Variants in DGKB observed in about 807,000 individuals in gnomAD.
The protein encoded by DGKB is diacylglycerol kinase beta.
Under a neutral mutation model 114.3 loss-of-function variants are expected in DGKB, and 67 were observed. That is an observed-to-expected ratio of 0.59 (90% CI 0.48 to 0.72). The LOEUF is 0.72. Among genes scored for constraint, DGKB ranks in the 30% least tolerant of loss-of-function variants. The pLI is 0.00. For synonymous variants in DGKB, 398 were observed against 323.1 expected (o/e 1.23, Z -2.49); for missense variants, 907 against 975.2 (o/e 0.93, Z 0.93).
intron 23 of DGKB, among the ~76,000 whole-genome samples, chr7:14,216,638 A>C (rs1789004759): frequency 6.6e-6 from 1 of 150,814 alleles, no homozygotes; most frequent in South Asian, 2.1e-4. Context: ...AAGCAGGAGA[A>C]TCACTTGAAC....
chr7:14,437,178 G>C (rs1829403142), intron 21 of DGKB, among the ~76,000 whole-genome samples: 2 of 152,114 alleles, frequency 1.3e-5, no homozygotes, highest in South Asian at 4.1e-4. Context: ...TAAATATATA[G>C]AGGATCTGCA....
intron 5 of DGKB, among the ~76,000 whole-genome samples, chr7:14,728,313 G>A (rs982442734): frequency 6.6e-6 from 1 of 152,038 alleles, no homozygotes; most frequent in African/African-American, 2.4e-5. Flanking sequence ...ATTATTTTCT[G>A]GCTTAAAATC....
chr7:14,202,249 G>A (rs964403752), intron 23 of DGKB, among the ~76,000 whole-genome samples: 5 of 151,690 alleles, frequency 3.3e-5, no homozygotes, highest in Admixed American at 2.6e-4. Flanking sequence ...ATTTCTTACT[G>A]ATACAATTTT....
intron 20 of DGKB, among the ~76,000 whole-genome samples, chr7:14,539,270 T>G (rs1793027488): frequency 6.6e-6 from 1 of 152,132 alleles, no homozygotes; most frequent in Non-Finnish European, 1.5e-5. Flanking sequence ...CTCACCAAAT[T>G]TCATTAATTA....
intron 21 of DGKB, among the ~76,000 whole-genome samples, chr7:14,373,962 C>T (rs970872587): frequency 6.6e-6 from 1 of 152,074 alleles, no homozygotes; most frequent in African/African-American, 2.4e-5. Context: ...AGGCATCTGC[C>T]AATTTAATTC....
intron 22 of DGKB, among the ~76,000 whole-genome samples, chr7:14,342,413 C>T (rs572164073): frequency 6.6e-6 from 1 of 151,920 alleles, no homozygotes; most frequent in South Asian, 2.1e-4. Flanking sequence ...GCACACATTT[C>T]ACCCCTCCAA....
intron 21 of DGKB, among the ~76,000 whole-genome samples, chr7:14,417,318 A>G (rs189862527): frequency 3.7e-4 from 56 of 152,184 alleles, no homozygotes; most frequent in Non-Finnish European, 6.9e-4. Context: ...AACAAAATAA[A>G]AACTGTGAAA....
intron 16 of DGKB, among the ~76,000 whole-genome samples, chr7:14,610,576 T>C (rs999772416): frequency 2.0e-5 from 3 of 152,042 alleles, no homozygotes; most frequent in Non-Finnish European, 4.4e-5. Flanking sequence ...CATGTGAAAA[T>C]ATGATTATTT....
intron 6 of DGKB, among the ~76,000 whole-genome samples, chr7:14,703,791 T>C (rs1825646462): frequency 6.6e-6 from 1 of 152,206 alleles, no homozygotes; most frequent in African/African-American, 2.4e-5. Context: ...CCAGTGATTC[T>C]GCATGCTCCT....
chr7:14,489,282 T>C (rs184406650), intron 20 of DGKB, among the ~76,000 whole-genome samples: 1 of 152,342 alleles, frequency 6.6e-6, no homozygotes, highest in Admixed American at 6.5e-5. Flanking sequence ...AATCATTTGA[T>C]TGAGATTTTG....
chr7:14,526,598 T>C (rs1190667258), intron 20 of DGKB, among the ~76,000 whole-genome samples: 1 of 152,096 alleles, frequency 6.6e-6, no homozygotes, highest in Non-Finnish European at 1.5e-5. Context: ...GTAAATATTT[T>C]AAAAAATAAT....
chr7:14,798,377 C>T (rs980954405), intron 2 of DGKB, among the ~76,000 whole-genome samples: 1 of 152,170 alleles, frequency 6.6e-6, no homozygotes, highest in African/African-American at 2.4e-5. Flanking sequence ...GCCCGTATAA[C>T]CTGTGTTGCC....
chr7:14,755,975 G>C (rs1834812046), intron 3 of DGKB, among the ~76,000 whole-genome samples: 1 of 151,982 alleles, frequency 6.6e-6, no homozygotes. Context: ...TGAAAAGGGT[G>C]ATATGTGTGT....
At chr7:14,350,704 C>T (rs1270097649) in intron 21 of DGKB, among the ~76,000 whole-genome samples, 3 of 151,080 alleles carry the variant, frequency 2.0e-5, no homozygotes, top group Non-Finnish European at 4.4e-5. Context: ...AGAAAGACTT[C>T]TACTAGATAC....
intron 2 of DGKB, among the ~76,000 whole-genome samples, chr7:14,813,155 A>G (rs1586678150): frequency 6.6e-6 from 1 of 152,224 alleles, no homozygotes; most frequent in East Asian, 1.9e-4. Flanking sequence ...ATTAATAACC[A>G]GAACTATTCA....
chr7:14,256,183 T>C (rs1301418154), intron 23 of DGKB, among the ~76,000 whole-genome samples: 3 of 152,186 alleles, frequency 2.0e-5, no homozygotes, highest in Admixed American at 1.3e-4. Flanking sequence ...TTATCTCTCA[T>C]ATTATCTTCC....
intron 14 of DGKB, among the ~76,000 whole-genome samples, chr7:14,623,637 A>T (rs1256112661): frequency 6.6e-6 from 1 of 152,164 alleles, no homozygotes; most frequent in East Asian, 1.9e-4. Flanking sequence ...AAAAACACTG[A>T]ATATATTTTG....
chr7:14,751,178 C>T (rs1639238), intron 4 of DGKB, among the ~76,000 whole-genome samples: 54,105 of 151,892 alleles, frequency 0.36, 13,330 homozygotes, highest in African/African-American at 0.69. Context: ...AAAAATAAAA[C>T]TTAGATGTGA....
At position 14,843,687 on chromosome 7, in the gene DGKB, C is replaced by A. The variant is rs114400068; in HGVS notation, c.-187-2237G>T. On this transcript the variant is annotated intron_variant, in intron 1 of 25. Coordinates refer to ENST00000402815, the MANE Select transcript of DGKB (RefSeq NM_001350709.2). ...GTGAGCCAGAATAAGTTTTTAATTG[C>A]CAACAAGGCAAAAATCTTAACTGGT... Among the ~76,000 whole-genome samples, 1,262 of 152,264 alleles carry A rather than the reference C, an allele frequency of 8.3e-3. 19 individuals carry two copies. The highest frequency in any genetic ancestry group is 0.029 in the African/African-American group (1,195 of 41,550).
Sources: allele counts gnomAD v4.1 joint callset (sites outside exome capture counted in the v4.1 genomes callset), GRCh38; gene constraint gnomAD v4.1.1; transcripts MANE v1.5; gene names NCBI Gene and HGNC (gene_info 2026-07-23, HGNC 2026-07-21).